The following KCNH1 variants were observed in gnomAD, a reference collection of about 807,000 sequenced individuals.
KCNH1 encodes potassium voltage-gated channel subfamily H member 1.
In KCNH1, 27 loss-of-function variants were observed where a neutral mutation model predicts 69.2. The ratio of observed to expected loss-of-function variants is 0.39; its 90% confidence interval spans 0.29 to 0.54. The LOEUF is 0.54. KCNH1 is among the 20% of genes least tolerant of loss of function. KCNH1 has a pLI of 0.68. For synonymous variants in KCNH1, 456 were observed against 487.7 expected (o/e 0.93, Z 0.86); for missense variants, 798 against 1,261.6 (o/e 0.63, Z 5.57).
intron 5 of KCNH1, among the ~76,000 whole-genome samples, chr1:211,063,968 T>C (rs934291386): frequency 3.9e-5 from 6 of 152,232 alleles, no homozygotes; most frequent in Non-Finnish European, 7.3e-5. Context: ...AAATCTATTA[T>C]GTACCCATAA....
intron 6 of KCNH1, among the ~76,000 whole-genome samples, chr1:210,976,603 G>A (rs1688615963): frequency 7.0e-6 from 1 of 142,858 alleles, no homozygotes; most frequent in Non-Finnish European, 1.5e-5. Context: ...CCATTACTGG[G>A]TATATACCCA....
intron 2 of KCNH1, among the ~76,000 whole-genome samples, chr1:211,105,248 T>A (rs1262437753): frequency 1.3e-5 from 2 of 152,204 alleles, no homozygotes; most frequent in South Asian, 2.1e-4. Flanking sequence ...ATAAGAGGAT[T>A]TTTCCTCTTT....
intron 6 of KCNH1, among the ~76,000 whole-genome samples, chr1:210,990,027 T>G (rs6680997): frequency 0.15 from 22,125 of 152,226 alleles, 1,896 homozygotes; most frequent in East Asian, 0.39. Flanking sequence ...TCAGCTCATC[T>G]GATATTTAAT....
At chr1:210,874,351 A>G (rs1245559038) in intron 7 of KCNH1, among the ~76,000 whole-genome samples, 1 of 152,224 alleles carries the variant, frequency 6.6e-6, no homozygotes, top group Non-Finnish European at 1.5e-5. Flanking sequence ...TTCAAGTTAG[A>G]TATTTCTATT....
At chr1:210,770,119 C>A (rs1291398022) in intron 10 of KCNH1, among the ~76,000 whole-genome samples, 1 of 151,982 alleles carries the variant, frequency 6.6e-6, no homozygotes, top group Admixed American at 6.6e-5. Flanking sequence ...CCAAACACCA[C>A]ATGTTCTCAT....
chr1:210,946,514 A>G (rs1228880650), intron 6 of KCNH1, among the ~76,000 whole-genome samples: 1 of 152,124 alleles, frequency 6.6e-6, no homozygotes, highest in East Asian at 1.9e-4. Flanking sequence ...TACCCATCCC[A>G]CTTTTGATGC....
In KCNH1 at chr1:210,683,171, T is replaced by C; in HGVS notation, c.*110A>G. ...AAGCCACTGGCCCCACTTTTTCTGT[T>C]AGGAAAAGCCTACTTGAAAATTGTT... On this transcript the variant is annotated 3_prime_UTR_variant, in exon 11 of 11. Transcript: ENST00000271751. This position sits in a 1 kb window ranked among gnomAD's most constrained non-coding sequence, Gnocchi z 5.7. The C allele has an allele frequency of 9.1e-7, 1 of 1,097,534 alleles. No homozygotes were observed. The highest frequency in any genetic ancestry group is 2.4e-5 in the East Asian group (1 of 42,334). 68.0% of individuals were successfully genotyped at this position (1,097,534 alleles called of 1,614,324 possible). A position where few individuals can be genotyped will look rare whatever the true frequency, so the allele number is the denominator to read the frequency against.
At chr1:210,740,373 C>A (rs140726083) in intron 10 of KCNH1, among the ~76,000 whole-genome samples, 3 of 152,096 alleles carry the variant, frequency 2.0e-5, no homozygotes, top group South Asian at 4.1e-4. Flanking sequence ...TACCTTCTAA[C>A]AATGGTGACT....
intron 6 of KCNH1, among the ~76,000 whole-genome samples, chr1:210,983,634 TCTGTTTTGGTACCAGTACCATG>T (rs1227423983): frequency 6.6e-6 from 1 of 152,216 alleles, no homozygotes; most frequent in Non-Finnish European, 1.5e-5. Context: ...AGTCTATATC[TCTGTTTTGGTACCAGTACCATG>T]CTGTTTTGGT....
rs116107611 is a variant in KCNH1 at position 210,775,684 on chromosome 1, C to T, written c.1916-140G>A. The stretch of plus-strand genomic sequence containing the variant: ...TCAGAGAAGGCAAACACTATTTTAA[C>T]GTGAACCTTAATAACATCCTTAACA... On this transcript the variant is annotated intron_variant, in intron 9 of 10. Transcript: ENST00000271751. 5.0e-3 allele frequency: 3,005 copies of T among 606,826 alleles called. 73 individuals carry two copies. Among genetic ancestry groups the T allele is most frequent in the African/African-American group, 0.047 (2,561 of 54,440 alleles). 37.6% of individuals were successfully genotyped at this position (606,826 alleles called of 1,614,324 possible).
intron 7 of KCNH1, among the ~76,000 whole-genome samples, chr1:210,872,149 CAAAA>C (rs60497732): frequency 5.1e-5 from 4 of 77,704 alleles, no homozygotes; most frequent in Admixed American, 1.4e-4. Context: ...GGAAGAGCAC[CAAAA>C]AAAAAAAAAA....
At chr1:210,714,446 G>A (rs1279923589) in intron 10 of KCNH1, among the ~76,000 whole-genome samples, 2 of 152,068 alleles carry the variant, frequency 1.3e-5, no homozygotes, top group African/African-American at 4.8e-5. Flanking sequence ...TATTCATCAC[G>A]CAACTTTAGG....
chr1:210,683,883 C>T lies in KCNH1; in HGVS notation c.2368G>A (p.Val790Met), dbSNP rs149579222. The T allele has an allele frequency of 3.0e-5, 48 of 1,613,928 alleles. No individual in the cohort carries two copies. Among genetic ancestry groups the T allele is most frequent in the Non-Finnish European group, 3.7e-5 (44 of 1,179,940 alleles). Residue 790 changes from valine to methionine, a missense_variant, in exon 11 of 11, where the codon GTG becomes ATG. By Grantham distance (21) the Val-to-Met change is conservative (BLOSUM62 1). This residue lies in a region of KCNH1 where 331 missense variants were observed against 363.2 expected (regional missense o/e 0.91). Transcript: ENST00000271751. This position sits in a 1 kb window ranked among gnomAD's most constrained non-coding sequence, Gnocchi z 5.7. ...ACGGGCGTGGCAGGACTCTCACGCA[C>T]GGTGACCACGCTGGCCTTCACGAGG... is the stretch of plus-strand genomic sequence containing the variant. ...HSLVKASVVT[V>M]RESPATPVSF...
chr1:210,908,428 C>T (rs1298484860), intron 7 of KCNH1, among the ~76,000 whole-genome samples: 2 of 152,184 alleles, frequency 1.3e-5, no homozygotes, highest in African/African-American at 4.8e-5. Context: ...TATAATTAAA[C>T]ACCTGAGCTT....
intron 1 of KCNH1, among the ~76,000 whole-genome samples, chr1:211,113,805 CCAAGGGCTATATGT>C (rs1228244171): frequency 6.6e-6 from 1 of 152,034 alleles, no homozygotes; most frequent in Non-Finnish European, 1.5e-5. Flanking sequence ...GACCTTATAG[CCAAGGGCTATATGT>C]CAACCTACCC....
At chr1:211,132,719 A>C (rs1307311668) in intron 1 of KCNH1, 1 of 152,280 alleles carries the variant, frequency 6.6e-6, no homozygotes, top group East Asian at 1.9e-4. Context: ...TGATATTTAC[A>C]CATTATTAAA....
chr1:211,096,344 G>T (rs1691154044), intron 3 of KCNH1, among the ~76,000 whole-genome samples: 1 of 152,020 alleles, frequency 6.6e-6, no homozygotes, highest in African/African-American at 2.4e-5. Context: ...GATTACAGGT[G>T]TGAGCCACCG....
At chr1:210,999,338 A>G (rs1689121584) in intron 6 of KCNH1, among the ~76,000 whole-genome samples, 1 of 152,226 alleles carries the variant, frequency 6.6e-6, no homozygotes, top group Admixed American at 6.5e-5. Context: ...GGATATCACC[A>G]CCGATCCCAC....
intron 6 of KCNH1, among the ~76,000 whole-genome samples, chr1:210,942,390 C>T (rs1687891793): frequency 6.6e-6 from 1 of 152,062 alleles, no homozygotes; most frequent in Non-Finnish European, 1.5e-5. Context: ...ACATCTTCAC[C>T]TATAAAGTAG....
Sources: gnomAD v4.1 joint callset for allele counts (sites outside exome capture counted in the v4.1 genomes callset) on GRCh38, gnomAD v4.1.1 for gene constraint, gnomAD v4.1.1 regional missense constraint, Gnocchi (gnomAD v3.1) non-coding constraint, MANE v1.5 for transcripts, NCBI Gene and HGNC (gene_info 2026-07-23, HGNC 2026-07-21) for gene names.